The following PRKG1 variants were observed in gnomAD, a reference collection of about 807,000 sequenced individuals.
PRKG1 encodes the protein cGMP-dependent protein kinase 1.
In PRKG1, 35 loss-of-function variants were observed where a neutral mutation model predicts 88.1. The ratio of observed to expected loss-of-function variants is 0.40; its 90% CI spans 0.30 to 0.53. The LOEUF is 0.53. PRKG1 is among the 20% of genes least tolerant of loss of function. PRKG1 has a pLI of 0.59. For synonymous variants in PRKG1, 303 were observed against 292.5 expected (o/e 1.04, Z -0.37); for missense variants, 540 against 839.8 (o/e 0.64, Z 4.41).
intron 9 of PRKG1, among the ~76,000 whole-genome samples, chr10:52,215,394 CAAA>C (rs565578326): frequency 9.4e-5 from 9 of 95,834 alleles, no homozygotes; most frequent in Non-Finnish European, 1.1e-4. Flanking sequence ...AACTCCATCT[CAAA>C]AAAAAAAAAA....
In PRKG1 at chr10:52,294,070, A is replaced by T; in HGVS notation, c.*170A>T. On this transcript the variant is annotated 3_prime_UTR_variant, in exon 18 of 18. Transcript: ENST00000373980. Reference sequence around the variant, plus strand: ...CATTAGGACTTACCGCTTAGATGACAATAGTGCTCTTTACATGTTTTCTGT... The same window carrying T: ...CATTAGGACTTACCGCTTAGATGACTATAGTGCTCTTTACATGTTTTCTGT... 1 of 521,658 alleles carries T rather than the reference A, an allele frequency of 1.9e-6. No individual in the cohort carries two copies. The allele number at this position is 521,658 out of a possible 1,614,324, so 32.3% of individuals were successfully genotyped here.
At chr10:51,656,947 A>G (rs1840176318) in intron 3 of PRKG1, among the ~76,000 whole-genome samples, 1 of 152,098 alleles carries the variant, frequency 6.6e-6, no homozygotes, top group Non-Finnish European at 1.5e-5. Flanking sequence ...CTGACTTGGC[A>G]CTGTGTGGCC....
chr10:51,616,913 C>G (rs1289986518), intron 3 of PRKG1, among the ~76,000 whole-genome samples: 1 of 152,056 alleles, frequency 6.6e-6, no homozygotes, highest in African/African-American at 2.4e-5. Context: ...TGGCAGTAGC[C>G]CATACTTTGC....
chr10:51,515,377 C>G (rs1841547852), intron 3 of PRKG1, among the ~76,000 whole-genome samples: 1 of 152,050 alleles, frequency 6.6e-6, no homozygotes, highest in South Asian at 2.1e-4. Flanking sequence ...CATAAATGGG[C>G]AAAAGTCTGA....
At chr10:52,278,546 C>A (rs1404262954) in intron 12 of PRKG1, among the ~76,000 whole-genome samples, 1 of 152,150 alleles carries the variant, frequency 6.6e-6, no homozygotes, top group Non-Finnish European at 1.5e-5. Context: ...ATAGCAAAGA[C>A]TTGGACCCAA....
intron 1 of PRKG1, among the ~76,000 whole-genome samples, chr10:51,059,295 C>T (rs575873337): frequency 6.6e-6 from 1 of 152,134 alleles, no homozygotes; most frequent in African/African-American, 2.4e-5. Flanking sequence ...TAATAATTCA[C>T]CATTAATTAT....
intron 3 of PRKG1, among the ~76,000 whole-genome samples, chr10:51,681,639 A>C (rs1564604165): frequency 6.6e-6 from 1 of 152,280 alleles, no homozygotes; most frequent in East Asian, 1.9e-4. Flanking sequence ...TATAGGATTT[A>C]TGTCATTTTA....
At chr10:51,694,823 A>G (rs1311876821) in intron 3 of PRKG1, among the ~76,000 whole-genome samples, 1 of 152,196 alleles carries the variant, frequency 6.6e-6, no homozygotes, top group Non-Finnish European at 1.5e-5. Context: ...TTTATTCTTT[A>G]CTATCAAATG....
At chr10:51,853,781 A>G (rs1840614562) in intron 4 of PRKG1, among the ~76,000 whole-genome samples, 1 of 152,162 alleles carries the variant, frequency 6.6e-6, no homozygotes, top group African/African-American at 2.4e-5. Flanking sequence ...TCTCAAGGAA[A>G]AGGCTGATTT....
chr10:51,623,753 G>A (rs960488919), intron 3 of PRKG1, among the ~76,000 whole-genome samples: 2 of 152,066 alleles, frequency 1.3e-5, no homozygotes, highest in Admixed American at 6.6e-5. Flanking sequence ...TCTCAGGAAC[G>A]CATCTCCTAA....
intron 3 of PRKG1, among the ~76,000 whole-genome samples, chr10:51,777,684 T>C (rs1564642734): frequency 6.6e-6 from 1 of 152,156 alleles, no homozygotes; most frequent in Non-Finnish European, 1.5e-5. Context: ...TCTATGGGTG[T>C]GGATAAATGT....
chr10:51,266,700 A>C (rs1467967527), intron 2 of PRKG1, among the ~76,000 whole-genome samples: 1 of 152,228 alleles, frequency 6.6e-6, no homozygotes, highest in African/African-American at 2.4e-5. Flanking sequence ...GAATACTTGC[A>C]CGCAGCACAA....
chr10:51,170,074 G>C (rs914362798), intron 2 of PRKG1, among the ~76,000 whole-genome samples: 12 of 151,962 alleles, frequency 7.9e-5, no homozygotes, highest in African/African-American at 2.7e-4. Context: ...GGGCTGGACT[G>C]TTGTCTCTGA....
intron 2 of PRKG1, among the ~76,000 whole-genome samples, chr10:51,445,208 A>C (rs186643552): frequency 3.9e-5 from 6 of 152,038 alleles, no homozygotes; most frequent in African/African-American, 1.4e-4. Context: ...AACATAAAGG[A>C]AACAAAGTGT....
intron 3 of PRKG1, among the ~76,000 whole-genome samples, chr10:51,798,293 C>T (rs73347275): frequency 1.6e-3 from 250 of 152,174 alleles, no homozygotes; most frequent in African/African-American, 5.7e-3. Flanking sequence ...AATTTATCCA[C>T]ATCGTCACCA....
chr10:51,956,031 T>A (rs1843294141), intron 5 of PRKG1, among the ~76,000 whole-genome samples: 2 of 152,146 alleles, frequency 1.3e-5, no homozygotes, highest in Non-Finnish European at 2.9e-5. Context: ...TGAATCATAT[T>A]TTTAATTTTG....
At chr10:51,117,002 A>G (rs1472882158) in intron 1 of PRKG1, among the ~76,000 whole-genome samples, 1 of 151,942 alleles carries the variant, frequency 6.6e-6, no homozygotes, top group African/African-American at 2.4e-5. Context: ...CTGAGAGATA[A>G]TGGAGAAACG....
At chr10:52,193,224 C>A (rs1839409652) in intron 9 of PRKG1, among the ~76,000 whole-genome samples, 1 of 151,984 alleles carries the variant, frequency 6.6e-6, no homozygotes, top group Admixed American at 6.6e-5. Flanking sequence ...TTTTACTTAA[C>A]CATTTGACTC....
chr10:52,242,663 A>G (rs1256177375), intron 9 of PRKG1, among the ~76,000 whole-genome samples: 3 of 152,108 alleles, frequency 2.0e-5, no homozygotes, highest in Admixed American at 2.0e-4. Flanking sequence ...TTAGGAGGCC[A>G]AGGTGGGTGG....
Sources: gnomAD v4.1 joint callset for allele counts (sites outside exome capture counted in the v4.1 genomes callset) on GRCh38, gnomAD v4.1.1 for gene constraint, MANE v1.5 for transcripts, NCBI Gene and HGNC (gene_info 2026-07-23, HGNC 2026-07-21) for gene names.